RAF1: variants seen among roughly 807,000 people sequenced by gnomAD.
RAF1 encodes the protein Raf-1 proto-oncogene, serine/threonine kinase.
RAF1 carries 27 observed loss-of-function variants against 81.1 expected under a neutral mutation model. The ratio of observed to expected loss-of-function variants is 0.33; its 90% CI spans 0.25 to 0.46. The LOEUF (loss-of-function observed/expected upper bound fraction) is 0.46. Ranked by LOEUF, RAF1 falls within the 20% of genes least tolerant of loss-of-function variation. The pLI is 1.00. For missense variants in RAF1, 598 were observed against 826.0 expected, an observed-to-expected ratio of 0.72 and a Z score of 3.38; for synonymous variants, 298 against 294.0, an observed-to-expected ratio of 1.01 and a Z score of -0.14.
chr3:12,629,144 C>T (rs778152512), intron 1 of RAF1, among the ~76,000 whole-genome samples: 1 of 151,878 alleles, frequency 6.6e-6, no homozygotes, highest in Non-Finnish European at 1.5e-5. Context: ...GCAAAACCAA[C>T]GAAACAATGG....
intron 1 of RAF1, among the ~76,000 whole-genome samples, chr3:12,656,255 A>G (rs1017926351): frequency 6.6e-6 from 1 of 151,876 alleles, no homozygotes; most frequent in African/African-American, 2.4e-5. Context: ...CTCTCTGGGT[A>G]TAACTTTCTT....
At chr3:12,623,013 A>T (rs115387621) in intron 1 of RAF1, among the ~76,000 whole-genome samples, 5,155 of 152,172 alleles carry the variant, frequency 0.034, 311 homozygotes, top group African/African-American at 0.12. Context: ...TAAAAAAAAA[A>T]TTTTAATTAC....
At chr3:12,641,665 C>T (rs114920110) in intron 1 of RAF1, among the ~76,000 whole-genome samples, 2,218 of 151,728 alleles carry the variant, frequency 0.015, 32 homozygotes, top group Admixed American at 0.044. Context: ...CTAATTTTTG[C>T]TTTTTTCATA....
At chr3:12,636,293 CA>C (rs202175442) in intron 1 of RAF1, among the ~76,000 whole-genome samples, 20 of 138,828 alleles carry the variant, frequency 1.4e-4, no homozygotes, top group South Asian at 4.5e-4. Context: ...TTCAAAAAAA[CA>C]AAAAAAAAAA....
At chr3:12,634,381 T>C (rs1481353203) in intron 1 of RAF1, among the ~76,000 whole-genome samples, 1 of 151,706 alleles carries the variant, frequency 6.6e-6, no homozygotes, top group Non-Finnish European at 1.5e-5. Flanking sequence ...AAACTCCTGA[T>C]CTCAGGTGAT....
chr3:12,585,292 C>CA (rs752572813), intron 15 of RAF1, 39 bp from the exon 15 acceptor site: 2 of 1,612,294 alleles, frequency 1.2e-6, no homozygotes, highest in East Asian at 4.5e-5. Context: ...CATTTATCAC[C>CA]ATATGACAGG....
intron 11 of RAF1, 71 bp from the exon 11 acceptor site, chr3:12,591,863 G>A: frequency 1.8e-6 from 2 of 1,140,838 alleles, no homozygotes; most frequent in Admixed American, 1.7e-5. Context: ...TAGTTTTGAG[G>A]AAGATACAGT....
intron 1 of RAF1, among the ~76,000 whole-genome samples, chr3:12,636,983 CT>C (rs2060051471): frequency 6.6e-6 from 1 of 151,946 alleles, no homozygotes; most frequent in Non-Finnish European, 1.5e-5. Flanking sequence ...CTCCATGGAT[CT>C]AGGGTAAAGA....
Position 12,628,458 on chromosome 3 carries a change from T to C in RAF1, c.-26-9711A>G, listed in dbSNP as rs542208961. ...TGGAAGATCACTTGATCCCAGGAATTCAATACCAGCCTGGACAACACAGTT... is the reference window on the plus strand; with the variant it reads ...TGGAAGATCACTTGATCCCAGGAATCCAATACCAGCCTGGACAACACAGTT... On this transcript the variant is annotated intron_variant, in intron 1 of 17. Transcript: ENST00000442415. Among the ~76,000 whole-genome samples, 4 of 152,170 alleles carry C rather than the reference T, an allele frequency of 2.6e-5. No homozygotes were observed. The South Asian group carries it at 8.3e-4, about 32-fold the overall frequency.
At chr3:12,599,651 C>T (rs2058794750) in intron 11 of RAF1, 40 bp downstream of exon 10, 1 of 1,535,180 alleles carries the variant, frequency 6.5e-7, no homozygotes, top group South Asian at 1.1e-5. Context: ...GACTTCACAC[C>T]AAAGCCCTGC....
Position 12,593,776 on chromosome 3 carries a change from G to A in RAF1, c.1169-1984C>T, listed in dbSNP as rs1294826195. 2.0e-5 allele frequency among the ~76,000 whole-genome samples: 3 copies of A among 149,250 alleles called. No individual in the cohort carries two copies. In the East Asian group the frequency reaches 5.8e-4, roughly 29 times the overall value. On this transcript the variant is annotated intron_variant, in intron 11 of 17. Transcript: ENST00000442415. ...CAGAAGGGGAGTTCCCCAAGATGGG[G>A]GAGTAAATCCTTTTTTTTTTTTTTT... is the stretch of plus-strand genomic sequence containing the variant.
intron 1 of RAF1, among the ~76,000 whole-genome samples, chr3:12,646,342 C>T (rs1318633915): frequency 1.3e-5 from 2 of 151,604 alleles, no homozygotes; most frequent in Non-Finnish European, 2.9e-5. Context: ...AGAATTAAGA[C>T]AGGCAGAAAT....
At chr3:12,605,655 G>C (rs578181671) in intron 6 of RAF1, among the ~76,000 whole-genome samples, 4 of 152,108 alleles carry the variant, frequency 2.6e-5, no homozygotes, top group African/African-American at 9.7e-5. Flanking sequence ...GTAGATAAAC[G>C]CAACAAAACT....
chr3:12,642,562 C>T lies in RAF1; in HGVS notation c.-27+21251G>A, dbSNP rs374417780. ...AAAAACAGTAAGATAAATAACACTTCTCCCATTTCAGTAAAAGGATGAAGC... is the reference window on the plus strand; with the variant it reads ...AAAAACAGTAAGATAAATAACACTTTTCCCATTTCAGTAAAAGGATGAAGC... On this transcript the variant is annotated intron_variant, in intron 1 of 17. Transcript: ENST00000442415. Among the ~76,000 whole-genome samples, 20 of 151,678 alleles carry T rather than the reference C, an allele frequency of 1.3e-4. 2 individuals are homozygous for T. Among genetic ancestry groups the T allele is most frequent in the Admixed American group, 3.3e-4 (5 of 15,208 alleles).
At chr3:12,609,929 C>A (rs1342169651) in intron 3 of RAF1, among the ~76,000 whole-genome samples, 1 of 152,160 alleles carries the variant, frequency 6.6e-6, no homozygotes. Flanking sequence ...AAAATTTAGT[C>A]TTCAGTAGCC....
At chr3:12,644,090 A>T (rs1238891482) in intron 1 of RAF1, among the ~76,000 whole-genome samples, 1 of 152,204 alleles carries the variant, frequency 6.6e-6, no homozygotes, top group Non-Finnish European at 1.5e-5. Context: ...TATCCTGTAA[A>T]AAATAAGAAA....
intron 1 of RAF1, among the ~76,000 whole-genome samples, chr3:12,635,419 G>A (rs142951482): frequency 0.015 from 2,171 of 145,242 alleles, 30 homozygotes; most frequent in Admixed American, 0.044. Context: ...GGCGGATCAT[G>A]TAAGGTCAGG....
At position 12,583,860 on chromosome 3, in the gene RAF1, G is replaced by C; in HGVS notation, c.*654C>G. On this transcript the variant is annotated 3_prime_UTR_variant, in exon 18 of 18. Transcript: ENST00000442415. ...GAAGACAAAATTCAGCATGATGGAA[G>C]ACTGCTCCCTGAGAGGGCTGAGATG... 1 of 234,928 alleles carries C rather than the reference G, an allele frequency of 4.3e-6. No individual in the cohort carries two copies. The highest frequency in any genetic ancestry group is 6.0e-5 in the East Asian group (1 of 16,592). The allele number at this position is 234,928 out of a possible 1,614,324, so 14.6% of individuals were successfully genotyped here.
At chr3:12,652,951 A>ATT (rs753181653) in intron 1 of RAF1, among the ~76,000 whole-genome samples, 9 of 69,758 alleles carry the variant, frequency 1.3e-4, no homozygotes, top group East Asian at 2.5e-3. Flanking sequence ...AAAAAAAAAA[A>ATT]ATTTTTTTAA....
Sources: allele counts gnomAD v4.1 joint callset (sites outside exome capture counted in the v4.1 genomes callset), GRCh38; gene constraint gnomAD v4.1.1; transcripts MANE v1.5; gene names NCBI Gene and HGNC (gene_info 2026-07-23, HGNC 2026-07-21).